PHF14: variants seen among roughly 807,000 people sequenced by gnomAD.
PHF14 encodes the protein PHD finger protein 14.
PHF14 carries 55 observed loss-of-function variants against 117.9 expected under a neutral mutation model. That is an observed-to-expected ratio of 0.47 (90% CI 0.38 to 0.58). The LOEUF (loss-of-function observed/expected upper bound fraction) is 0.58. Ranked by LOEUF, PHF14 falls within the 20% of genes least tolerant of loss-of-function variation. The pLI, the probability that PHF14 is intolerant of heterozygous loss-of-function variation, is 0.00. For missense variants in PHF14, 978 were observed against 1,122.2 expected, an observed-to-expected ratio of 0.87 and a Z score of 1.84; for synonymous variants, 409 against 368.6, an observed-to-expected ratio of 1.11 and a Z score of -1.26.
intron 4 of PHF14, among the ~76,000 whole-genome samples, chr7:11,010,717 C>G (rs1201331299): frequency 6.6e-6 from 1 of 152,024 alleles, no homozygotes. Context: ...GTTGCCCAGG[C>G]TGGTTCACTG....
intron 16 of PHF14, among the ~76,000 whole-genome samples, chr7:11,088,552 A>C (rs1786512255): frequency 6.6e-6 from 1 of 152,178 alleles, no homozygotes; most frequent in African/African-American, 2.4e-5. Context: ...TTTCATTTGT[A>C]ATCCTGCTTT....
At chr7:11,060,176 C>G (rs1785169959) in intron 14 of PHF14, among the ~76,000 whole-genome samples, 1 of 152,204 alleles carries the variant, frequency 6.6e-6, no homozygotes, top group African/African-American at 2.4e-5. Context: ...GGTGCCTGGC[C>G]TGTCAGTCAG....
At chr7:11,150,011 A>G (rs759973263) in intron 17 of PHF14, among the ~76,000 whole-genome samples, 60 of 152,174 alleles carry the variant, frequency 3.9e-4, no homozygotes, top group Admixed American at 1.4e-3. Context: ...AAAAGCATAT[A>G]TGTTAATATT....
intron 17 of PHF14, among the ~76,000 whole-genome samples, chr7:11,125,942 C>T (rs1787916646): frequency 6.6e-6 from 1 of 151,962 alleles, no homozygotes; most frequent in South Asian, 2.1e-4. Flanking sequence ...TTAAAGTATG[C>T]TTATAGAGGT....
At chr7:10,977,298 A>T (rs1318045987) in intron 2 of PHF14, among the ~76,000 whole-genome samples, 1 of 152,104 alleles carries the variant, frequency 6.6e-6, no homozygotes, top group African/African-American at 2.4e-5. Context: ...TCTAGAAATG[A>T]CTCATTGAAT....
intron 2 of PHF14, among the ~76,000 whole-genome samples, chr7:10,976,408 T>A (rs1196591241): frequency 6.6e-6 from 1 of 152,168 alleles, no homozygotes; most frequent in Non-Finnish European, 1.5e-5. Flanking sequence ...CTGGCTAGGA[T>A]GTAGTTTTGG....
At chr7:10,993,617 G>A (rs756773218) in intron 4 of PHF14, among the ~76,000 whole-genome samples, 1 of 152,172 alleles carries the variant, frequency 6.6e-6, no homozygotes, top group Non-Finnish European at 1.5e-5. Flanking sequence ...CTCTTAGTTG[G>A]TGGCCCAGAT....
chr7:11,026,414 T>C (rs1783912708), intron 6 of PHF14, among the ~76,000 whole-genome samples: 1 of 152,260 alleles, frequency 6.6e-6, no homozygotes, highest in East Asian at 1.9e-4. Context: ...TGTTTTATTG[T>C]GATACTTTAT....
At chr7:10,987,663 C>T (rs1261609359) in intron 3 of PHF14, among the ~76,000 whole-genome samples, 1 of 151,854 alleles carries the variant, frequency 6.6e-6, no homozygotes, top group African/African-American at 2.4e-5. Flanking sequence ...CCATTCAAAA[C>T]CTATTTTCCT....
At chr7:11,150,234 G>T (rs148134928) in intron 17 of PHF14, among the ~76,000 whole-genome samples, 3 of 152,096 alleles carry the variant, frequency 2.0e-5, no homozygotes, top group African/African-American at 4.8e-5. Context: ...GCTACAATAC[G>T]CATTAGAATG....
At chr7:11,028,033 T>C (rs1012677857) in intron 6 of PHF14, among the ~76,000 whole-genome samples, 1 of 152,168 alleles carries the variant, frequency 6.6e-6, no homozygotes, top group Admixed American at 6.6e-5. Context: ...CCTTGACTTA[T>C]GATGGGTTTA....
intron 17 of PHF14, among the ~76,000 whole-genome samples, chr7:11,162,226 C>G (rs1789066572): frequency 6.6e-6 from 1 of 151,240 alleles, no homozygotes; most frequent in Non-Finnish European, 1.5e-5. Context: ...GTAGCTGGGA[C>G]TACAGGCACA....
At chr7:11,065,517 A>G (rs1044811573) in intron 16 of PHF14, among the ~76,000 whole-genome samples, 4 of 152,174 alleles carry the variant, frequency 2.6e-5, no homozygotes, top group African/African-American at 9.6e-5. Flanking sequence ...TTCTAGAGCA[A>G]ATTGAGTCAC....
chr7:10,974,283 C>G lies in PHF14; in HGVS notation c.-41C>G. ...GGCGCTGCCTGGGCTCCTGCAGCCT[C>G]TCCCTAAGTCTTCTCCAAACGACCA... is the stretch of plus-strand genomic sequence containing the variant. On this transcript the variant is annotated 5_prime_UTR_variant, in exon 1 of 18. Coordinates refer to ENST00000634607, the MANE Select transcript of PHF14 (RefSeq NM_001007157.2). 6.4e-7 allele frequency: 1 copy of G among 1,574,214 alleles called. No homozygotes were observed. Among genetic ancestry groups the G allele is most frequent in the Non-Finnish European group, 8.6e-7 (1 of 1,157,362 alleles).
At chr7:10,998,382 G>C (rs1782738593) in intron 4 of PHF14, among the ~76,000 whole-genome samples, 3 of 152,020 alleles carry the variant, frequency 2.0e-5, no homozygotes, top group Non-Finnish European at 4.4e-5. Flanking sequence ...ATTTATTTGG[G>C]AGAATAAACT....
intron 17 of PHF14, among the ~76,000 whole-genome samples, chr7:11,160,875 CTG>C: frequency 6.6e-6 from 1 of 152,172 alleles, no homozygotes; most frequent in Middle Eastern, 3.4e-3. Flanking sequence ...TCTGTTTACT[CTG>C]TTTATAGTTT....
chr7:11,062,719 C>A, intron 16 of PHF14: 1 of 985,018 alleles, frequency 1.0e-6, no homozygotes, highest in Non-Finnish European at 1.2e-6. Context: ...TTGGCTTTTC[C>A]CAACGGTCCA....
chr7:11,006,779 C>G lies in PHF14; in HGVS notation c.1046-6968C>G, dbSNP rs1213393864. 14 of 794,160 alleles carry G rather than the reference C, an allele frequency of 1.8e-5. No homozygotes were observed. The Admixed American group carries it at 2.5e-4, about 14-fold the overall frequency. 49.2% of individuals were successfully genotyped at this position (794,160 alleles called of 1,614,324 possible). A position where few individuals can be genotyped will look rare whatever the true frequency, so the allele number is the denominator to read the frequency against. On this transcript the variant is annotated intron_variant, in intron 4 of 17. Transcript: ENST00000634607. ...TCTTCTTTTTTGGTGGCTGTGGACA[C>G]CTTTCAACACTGCCTTCTTGGCCTT...
chr7:11,150,524 A>T (rs1562486962), intron 17 of PHF14, among the ~76,000 whole-genome samples: 4 of 152,130 alleles, frequency 2.6e-5, no homozygotes, highest in African/African-American at 9.7e-5. Context: ...AAGGAAAGGA[A>T]AGAGAGAGGA....
Sources: gnomAD v4.1 joint callset for allele counts (sites outside exome capture counted in the v4.1 genomes callset) on GRCh38, gnomAD v4.1.1 for gene constraint, MANE v1.5 for transcripts, NCBI Gene and HGNC (gene_info 2026-07-23, HGNC 2026-07-21) for gene names.